The following EPHX1 variants were observed in gnomAD, a reference collection of about 807,000 sequenced individuals.
The protein encoded by EPHX1 is epoxide hydratase.
Under a neutral mutation model 43.2 loss-of-function variants are expected in EPHX1, and 40 were observed. The ratio of observed to expected loss-of-function variants is 0.93; its 90% CI spans 0.72 to 1.21. EPHX1 has a LOEUF of 1.21. Ranked by LOEUF, EPHX1 falls within the 50% of genes most tolerant of loss-of-function variation. EPHX1 has a pLI of 0.00. For missense variants in EPHX1, 550 were observed against 570.4 expected (o/e 0.96, Z 0.36); for synonymous variants, 221 against 226.7 (o/e 0.98, Z 0.22).
At chr1:225,837,064 G>A (rs555362666) in intron 3 of EPHX1, among the ~76,000 whole-genome samples, 2 of 152,164 alleles carry the variant, frequency 1.3e-5, no homozygotes, top group African/African-American at 2.4e-5. Context: ...GAGGAAACCC[G>A]GTGGGTGTGA....
chr1:225,824,682 CG>C (rs926599795), intron 1 of EPHX1, among the ~76,000 whole-genome samples: 2 of 152,114 alleles, frequency 1.3e-5, no homozygotes, highest in African/African-American at 4.8e-5. Context: ...ACAAAGCAGA[CG>C]GGGGGGTGTG....
At chr1:225,820,178 A>G (rs933206285) in intron 1 of EPHX1, among the ~76,000 whole-genome samples, 2 of 151,928 alleles carry the variant, frequency 1.3e-5, no homozygotes, top group African/African-American at 4.8e-5. Flanking sequence ...GCTCACTGCA[A>G]CCTCCGCCTC....
At chr1:225,844,371 C>A in intron 7 of EPHX1, 127 bp from the exon 8 acceptor site, 1 of 1,431,246 alleles carries the variant, frequency 7.0e-7, no homozygotes, top group Non-Finnish European at 9.8e-7. Flanking sequence ...ATACCACACA[C>A]GTTGCATGAG....
chr1:225,839,491 G>A lies in EPHX1; in HGVS notation c.722+145G>A, dbSNP rs2102759336. 9 of 1,477,700 alleles carry A rather than the reference G, an allele frequency of 6.1e-6. No homozygotes were observed. The South Asian group carries it at 1.0e-4, about 17-fold the overall frequency. The allele number at this position is 1,477,700 out of a possible 1,614,324, so 91.5% of individuals were successfully genotyped here. A position where few individuals can be genotyped will look rare whatever the true frequency, so the allele number is the denominator to read the frequency against. ...TGACCTGTCACTCAGCAGTGCCTGA[G>A]GCACGTTGACTTGGATCCTCCTGTC... On this transcript the variant is annotated intron_variant, in intron 5 of 8. Coordinates refer to ENST00000272167, the MANE Select transcript of EPHX1 (RefSeq NM_001136018.4).
intron 1 of EPHX1, among the ~76,000 whole-genome samples, chr1:225,827,062 A>G (rs1454130401): frequency 6.6e-6 from 1 of 152,182 alleles, no homozygotes; most frequent in Non-Finnish European, 1.5e-5. Flanking sequence ...CACTGTGGAC[A>G]AGTATTTCAT....
chr1:225,828,576 A>G (rs1667390382), intron 1 of EPHX1, 149 bp from the exon 2 acceptor site: 5 of 456,874 alleles, frequency 1.1e-5, no homozygotes. Context: ...ATATATATAT[A>G]TAATATGTAT....
intron 6 of EPHX1, chr1:225,841,329 G>T (rs1383091326): frequency 1.3e-5 from 2 of 151,972 alleles, no homozygotes; most frequent in East Asian, 3.9e-4. Flanking sequence ...GTTGCCCAGG[G>T]TAGAGTGCAG....
chr1:225,839,032 C>A lies in EPHX1; in HGVS notation c.592+151C>A, dbSNP rs1668146873. ...GCCTGAGAGGCCGGCCCCAGACACA[C>A]CGCCCTCCGGGGCTGGAGATGCCAC... On this transcript the variant is annotated intron_variant, in intron 4 of 8. Transcript: ENST00000272167. 1.3e-5 allele frequency: 17 copies of A among 1,321,622 alleles called. No individual in the cohort carries two copies. In the South Asian group the frequency reaches 1.7e-4, roughly 13 times the overall value. The allele number at this position is 1,321,622 out of a possible 1,614,324, so 81.9% of individuals were successfully genotyped here. A position where few individuals can be genotyped will look rare whatever the true frequency, so the allele number is the denominator to read the frequency against.
intron 8 of EPHX1, 112 bp downstream of exon 8, chr1:225,844,735 C>T (rs772152200): frequency 8.6e-6 from 13 of 1,504,098 alleles, no homozygotes; most frequent in South Asian, 1.2e-5. Flanking sequence ...GCCTTGCCTG[C>T]AGGTGCCCCA....
intron 1 of EPHX1, among the ~76,000 whole-genome samples, chr1:225,827,042 A>G (rs1173552611): frequency 2.6e-5 from 4 of 152,142 alleles, no homozygotes; most frequent in African/African-American, 9.7e-5. Context: ...TTGGAGCTCT[A>G]TCGCTGGACC....
chr1:225,845,085 G>T, intron 8 of EPHX1, 61 bp from the exon 9 acceptor site: 1 of 1,569,384 alleles, frequency 6.4e-7, no homozygotes, highest in South Asian at 1.1e-5. Flanking sequence ...ACCCCCTGCT[G>T]TGCAGGACGG....
chr1:225,839,895 C>G lies in EPHX1; in HGVS notation c.789C>G (p.Leu263=). The change falls in exon 6 of 9, where the codon CTC becomes CTG. Residue 263 remains leucine, a synonymous_variant. Transcript: ENST00000272167. ...VLSNFSTLTL[L]LGQRFGRFLG... The stretch of plus-strand genomic sequence containing the variant: ...GCAACTTCTCTACCCTGACCCTCCT[C>G]CTGGGACAGCGTTTCGGGAGGTTTC... The G allele has an allele frequency of 6.2e-7, 1 of 1,614,230 alleles. No individual in the cohort carries two copies. Among genetic ancestry groups the G allele is most frequent in the Non-Finnish European group, 8.5e-7 (1 of 1,180,032 alleles).
Position 225,828,587 on chromosome 1 carries a change from A to G in EPHX1, c.-5-138A>G, listed in dbSNP as rs1045268078. 7 of 565,594 alleles carry G rather than the reference A, an allele frequency of 1.2e-5. No homozygotes were observed. In the Admixed American group the frequency reaches 1.8e-4, roughly 15 times the overall value. 35.0% of individuals were successfully genotyped at this position (565,594 alleles called of 1,614,324 possible). On this transcript the variant is annotated intron_variant, in intron 1 of 8. Coordinates refer to ENST00000272167, the MANE Select transcript of EPHX1 (RefSeq NM_001136018.4). ...GTGTATATATATATATAATATGTATATATTAGGTCAAGTGTAAATAAAATC... is the reference window on the plus strand; with the variant it reads ...GTGTATATATATATATAATATGTATGTATTAGGTCAAGTGTAAATAAAATC...
chr1:225,833,795 T>TAAAAAAAAAAAA (rs765544660), intron 3 of EPHX1, among the ~76,000 whole-genome samples: 1 of 108,650 alleles, frequency 9.2e-6, no homozygotes. Context: ...ACTCTGTCTT[T>TAAAAAAAAAAAA]AAAAAAAAAA....
chr1:225,823,421 G>T (rs567524162), intron 1 of EPHX1, among the ~76,000 whole-genome samples: 2 of 152,276 alleles, frequency 1.3e-5, no homozygotes, highest in African/African-American at 4.8e-5. Flanking sequence ...ATGGGATGGG[G>T]AGTCTCCGGG....
chr1:225,822,866 C>T (rs1351251966), intron 1 of EPHX1, among the ~76,000 whole-genome samples: 2 of 152,162 alleles, frequency 1.3e-5, no homozygotes, highest in East Asian at 1.9e-4. Flanking sequence ...TGCCAGACCA[C>T]GGTGCCTGAC....
intron 6 of EPHX1, among the ~76,000 whole-genome samples, chr1:225,840,518 A>G (rs1427129803): frequency 6.6e-6 from 1 of 152,228 alleles, no homozygotes; most frequent in Non-Finnish European, 1.5e-5. Flanking sequence ...TTATAAAGGA[A>G]CCAGTAAAAT....
rs969131643 is a variant in EPHX1, at chr1:225,817,749, C to T, written c.-6+7580C>T. On this transcript the variant is annotated intron_variant, in intron 1 of 8. Transcript: ENST00000272167. The surrounding 1 kb of genome is among the most constrained non-coding windows in gnomAD (Gnocchi z 5.7). ...GTCAGAGCCAGGCCTGCCCAACTGT[C>T]GCAGGGCTGGGTCCACCTCATGGCC... 3.6e-4 allele frequency among the ~76,000 whole-genome samples: 55 copies of T among 152,228 alleles called. No homozygotes were observed. The highest frequency in any genetic ancestry group is 1.3e-3 in the African/African-American group (52 of 41,466).
intron 6 of EPHX1, 152 bp from the exon 7 acceptor site, chr1:225,842,214 T>C (rs1211711281): frequency 1.4e-6 from 1 of 700,444 alleles, no homozygotes; most frequent in African/African-American, 1.7e-5. Flanking sequence ...GCGAGGCATG[T>C]GAGCACCCAG....
Sources: allele counts gnomAD v4.1 joint callset (sites outside exome capture counted in the v4.1 genomes callset), GRCh38; gene constraint gnomAD v4.1.1; non-coding constraint Gnocchi (gnomAD v3.1); transcripts MANE v1.5; gene names NCBI Gene and HGNC (gene_info 2026-07-23, HGNC 2026-07-21).